The following DNAH11 variants were observed in gnomAD, a reference collection of about 807,000 sequenced individuals.
DNAH11 encodes axonemal beta dynein heavy chain 11.
Under a neutral mutation model 526.0 loss-of-function variants are expected in DNAH11, and 442 were observed. The observed-to-expected ratio is 0.84, with a 90% CI of 0.78 to 0.91. The LOEUF (loss-of-function observed/expected upper bound fraction) is 0.91. Ranked by LOEUF, DNAH11 falls within the 40% of genes least tolerant of loss-of-function variation. The pLI is 0.00. For synonymous variants in DNAH11, 2,461 were observed against 1,935.9 expected (o/e 1.27, Z -7.12); for missense variants, 6,989 against 5,448.7 (o/e 1.28, Z -8.90).
chr7:21,577,899 T>C (rs1415050756), intron 8 of DNAH11, among the ~76,000 whole-genome samples: 2 of 152,098 alleles, frequency 1.3e-5, no homozygotes, highest in Admixed American at 1.3e-4. Flanking sequence ...TGAAAAAGAT[T>C]TTAAAGTAGT....
At chr7:21,726,560 C>G (rs1785113089) in intron 45 of DNAH11, among the ~76,000 whole-genome samples, 1 of 151,860 alleles carries the variant, frequency 6.6e-6, no homozygotes, top group African/African-American at 2.4e-5. Context: ...AGAATCTCAG[C>G]TATAAGAATG....
chr7:21,562,326 C>T (rs1324958710), intron 5 of DNAH11, among the ~76,000 whole-genome samples: 1 of 152,132 alleles, frequency 6.6e-6, no homozygotes, highest in Non-Finnish European at 1.5e-5. Context: ...CAGACATGGC[C>T]AAATGTCCCC....
chr7:21,742,085 G>T lies in DNAH11; in HGVS notation c.8073G>T (p.Gln2691His). The change falls in exon 49 of 82, where the codon CAG becomes CAT. Residue 2691 changes from glutamine to histidine, a missense_variant. Physicochemically the swap from Gln to His is conservative, Grantham distance 24 (BLOSUM62 0). Transcript: ENST00000409508. Reference sequence around the variant, plus strand: ...TCCAGGCAACAATAGCATTCCATCAGACAATGATGTGTAACTTTTTACCCA... The same window carrying T: ...TCCAGGCAACAATAGCATTCCATCATACAATGATGTGTAACTTTTTACCCA... ...TLIQATIAFH[Q>H]TMMCNFLPTA... 1 of 1,613,880 alleles carries T rather than the reference G, an allele frequency of 6.2e-7. No individual in the cohort carries two copies. The highest frequency in any genetic ancestry group is 8.5e-7 in the Non-Finnish European group (1 of 1,179,844).
rs780189424 is a variant in DNAH11, at chr7:21,620,030, A to G, written c.4452A>G (p.Pro1484=). Residue 1484 remains proline, a synonymous_variant, in exon 25 of 82, where the codon CCA becomes CCG. Coordinates refer to ENST00000409508, the MANE Select transcript of DNAH11 (RefSeq NM_001277115.2). ...AAGTTCACTATCGAACAGGCATTCC[A>G]TTACTAAAGTCTGATGAACAACTTT... ...SYEVHYRTGI[P]LLKSDEQLFE... The G allele has an allele frequency of 6.8e-6, 11 of 1,608,796 alleles. No homozygotes were observed. The highest frequency in any genetic ancestry group is 3.4e-5 in the Admixed American group (2 of 59,224).
chr7:21,704,310 A>T, intron 37 of DNAH11, 124 bp from the exon 38 acceptor site: 1 of 948,826 alleles, frequency 1.1e-6, no homozygotes, highest in Non-Finnish European at 1.5e-6. Flanking sequence ...ATGCCATCTT[A>T]ATGGAGAACA....
chr7:21,716,530 G>A (rs1784669366), intron 42 of DNAH11, among the ~76,000 whole-genome samples: 1 of 152,140 alleles, frequency 6.6e-6, no homozygotes. Context: ...GCATATCCAG[G>A]CAGTTTCACT....
chr7:21,600,195 C>A, intron 15 of DNAH11, 76 bp downstream of exon 15: 1 of 1,306,998 alleles, frequency 7.7e-7, no homozygotes, highest in Non-Finnish European at 1.0e-6. Flanking sequence ...TATGGTAGCT[C>A]ATGCTGGGAA....
chr7:21,639,740 C>T (rs1202089215), intron 28 of DNAH11, among the ~76,000 whole-genome samples: 2 of 152,214 alleles, frequency 1.3e-5, no homozygotes, highest in East Asian at 3.8e-4. Flanking sequence ...TAGACCAACT[C>T]AATCATTCCT....
At chr7:21,865,734 T>C (rs1022146437) in intron 70 of DNAH11, among the ~76,000 whole-genome samples, 1 of 151,996 alleles carries the variant, frequency 6.6e-6, no homozygotes, top group African/African-American at 2.4e-5. Context: ...TCAGCGTGAG[T>C]CTGTAAAGCG....
chr7:21,600,103 A>G lies in DNAH11; in HGVS notation c.2984A>G (p.Glu995Gly). The G allele has an allele frequency of 6.5e-7, 1 of 1,535,816 alleles. No homozygotes were observed. Among genetic ancestry groups the G allele is most frequent in the African/African-American group, 1.4e-5 (1 of 72,240 alleles). Residue 995 changes from glutamate to glycine, a missense_variant, in exon 15 of 82, where the codon GAA becomes GGA. Glu to Gly is a moderately conservative substitution (Grantham distance 98, BLOSUM62 -2). Coordinates refer to ENST00000409508, the MANE Select transcript of DNAH11 (RefSeq NM_001277115.2). ...ATGAACCGAATAGCAACACACCTGG[A>G]AATTAAAAATTATCAGGTATTTTCT... ...AQMNRIATHL[E>G]IKNYQNDMDN...
At position 21,611,972 on chromosome 7, in the gene DNAH11, A is replaced by G. The variant is rs137968276; in HGVS notation, c.3853-3142A>G. Among the ~76,000 whole-genome samples, 704 of 152,306 alleles carry G rather than the reference A, an allele frequency of 4.6e-3. 6 individuals are homozygous for G. Among genetic ancestry groups the G allele is most frequent in the African/African-American group, 0.015 (633 of 41,572 alleles). On this transcript the variant is annotated intron_variant, in intron 20 of 81. Transcript: ENST00000409508. The stretch of plus-strand genomic sequence containing the variant: ...TTGCTTCTTAGAAAAGACTAACTCT[A>G]TGGACAAACCTCTGGTGAAATCATC...
rs147682044 is a variant in DNAH11 at position 21,873,199 on chromosome 7, A to G, written c.11968-75A>G. 1,036 of 1,240,436 alleles carry G rather than the reference A, an allele frequency of 8.4e-4. 10 individuals carry two copies. The African/African-American group carries it at 0.014, about 17-fold the overall frequency. The allele number at this position is 1,240,436 out of a possible 1,614,324, so 76.8% of individuals were successfully genotyped here. ...CTCTGAGTTTTCAGTGCAATTATAT[A>G]TAGGAAAATGTAATCTTATAATTCA... On this transcript the variant is annotated intron_variant, in intron 73 of 81. Transcript: ENST00000409508.
intron 39 of DNAH11, among the ~76,000 whole-genome samples, chr7:21,707,275 T>C (rs925457742): frequency 2.6e-5 from 4 of 152,204 alleles, no homozygotes; most frequent in Non-Finnish European, 5.9e-5. Context: ...AGCTCTGGGA[T>C]TGGGCTCAGC....
In DNAH11 at chr7:21,600,139, G is replaced by T. The variant is rs749028597; in HGVS notation, c.3000+20G>T. 2 of 1,506,890 alleles carry T rather than the reference G, an allele frequency of 1.3e-6. No homozygotes were observed. Among genetic ancestry groups the T allele is most frequent in the East Asian group, 2.3e-5 (1 of 43,612 alleles). The allele number at this position is 1,506,890 out of a possible 1,614,324, so 93.3% of individuals were successfully genotyped here. A position where few individuals can be genotyped will look rare whatever the true frequency, so the allele number is the denominator to read the frequency against. ...TATCAGGTATTTTCTTAGTAAATGGGTATTTAGCTTTTATATTAATGATTC... is the reference window on the plus strand; with the variant it reads ...TATCAGGTATTTTCTTAGTAAATGGTTATTTAGCTTTTATATTAATGATTC... On this transcript the variant is annotated intron_variant, in intron 15 of 81. Coordinates refer to ENST00000409508, the MANE Select transcript of DNAH11 (RefSeq NM_001277115.2).
rs1049247750 is a variant in DNAH11 at position 21,739,577 on chromosome 7, T to A, written c.7818T>A (p.Asp2606Glu). 4 of 1,610,908 alleles carry A rather than the reference T, an allele frequency of 2.5e-6. No individual in the cohort carries two copies. In the Admixed American group the frequency reaches 5.0e-5, roughly 20 times the overall value. ...RQHIDYGHWY[D>E]RQKVMLKEIH... The stretch of plus-strand genomic sequence containing the variant: ...TCTGTTTTCTGTCTTTCAGGTATGA[T>A]AGACAGAAGGTGATGCTTAAAGAAA... Residue 2606 changes from aspartate (D) to glutamate (E), a missense_variant, in exon 48 of 82, where the codon GAT becomes GAA. Transcript: ENST00000409508.
chr7:21,647,108 A>G (rs1396485498), intron 28 of DNAH11, among the ~76,000 whole-genome samples: 1 of 152,192 alleles, frequency 6.6e-6, no homozygotes. Flanking sequence ...CAGAGAGCTT[A>G]ATATGTGTGC....
At chr7:21,792,446 C>T (rs115799572) in intron 61 of DNAH11, among the ~76,000 whole-genome samples, 2,088 of 152,228 alleles carry the variant, frequency 0.014, 40 homozygotes, top group African/African-American at 0.042. Flanking sequence ...ATTCCCTCTT[C>T]AATTTTTTGA....
In DNAH11 at chr7:21,901,379, CGCTATCCTTAGAGTGAAA is replaced by C. The variant is rs1385804658; in HGVS notation, c.*127_*144del. On this transcript the variant is annotated 3_prime_UTR_variant, in exon 82 of 82. Coordinates refer to ENST00000409508, the MANE Select transcript of DNAH11 (RefSeq NM_001277115.2). Reference sequence around the variant, plus strand: ...ACTCACACGTGCATTCTTTTTTCAACGCTATCCTTAGAGTGAAAGTCAGAAAAAAATACTAGAAACTAA... The same window carrying C: ...ACTCACACGTGCATTCTTTTTTCAACGTCAGAAAAAAATACTAGAAACTAA... 1 of 1,303,196 alleles carries C rather than the reference CGCTATCCTTAGAGTGAAA, an allele frequency of 7.7e-7. No individual in the cohort carries two copies. The highest frequency in any genetic ancestry group is 1.0e-6 in the Non-Finnish European group (1 of 1,003,048). The allele number at this position is 1,303,196 out of a possible 1,614,324, so 80.7% of individuals were successfully genotyped here.
chr7:21,873,403 A>C lies in DNAH11; in HGVS notation c.12097A>C (p.Ile4033Leu). The change falls in exon 74 of 82, where the codon ATC (isoleucine) becomes CTC (leucine). Residue 4033 changes from isoleucine (I) to leucine (L), a missense_variant. Transcript: ENST00000409508. ...ESAPTPDEHI[I>L]PQGLLENSIK... The stretch of plus-strand genomic sequence containing the variant: ...TGCACCTACACCAGATGAGCATATC[A>C]TCCCTCAAGGACTCCTGGAAAATTC... 6.2e-7 allele frequency: 1 copy of C among 1,614,016 alleles called. No individual in the cohort carries two copies. The highest frequency in any genetic ancestry group is 8.5e-7 in the Non-Finnish European group (1 of 1,179,876).
Sources: gnomAD v4.1 joint callset for allele counts (sites outside exome capture counted in the v4.1 genomes callset) on GRCh38, gnomAD v4.1.1 for gene constraint, MANE v1.5 for transcripts, NCBI Gene and HGNC (gene_info 2026-07-23, HGNC 2026-07-21) for gene names.